KAT2B: variants seen among roughly 807,000 people sequenced by gnomAD.
The protein encoded by KAT2B is lysine acetyltransferase 2B, also known as histone acetyltransferase KAT2B.
KAT2B carries 36 observed loss-of-function variants against 105.9 expected under a neutral mutation model. The ratio of observed to expected loss-of-function variants is 0.34; its 90% confidence interval spans 0.26 to 0.45. KAT2B has a LOEUF of 0.45. KAT2B is among the 20% of genes least tolerant of loss of function. The pLI, the probability that KAT2B is intolerant of heterozygous loss-of-function variation, is 1.00. For missense variants in KAT2B, 820 were observed against 1,021.6 expected, an observed-to-expected ratio of 0.80 and a Z score of 2.69; for synonymous variants, 397 against 377.9, an observed-to-expected ratio of 1.05 and a Z score of -0.59.
chr3:20,101,567 T>A, intron 5 of KAT2B, 99 bp downstream of exon 5: 1 of 848,084 alleles, frequency 1.2e-6, no homozygotes, highest in African/African-American at 1.7e-5. Flanking sequence ...TAGTTATCAT[T>A]ATGACTCCAT....
intron 8 of KAT2B, among the ~76,000 whole-genome samples, chr3:20,122,180 C>G (rs1699323132): frequency 6.6e-6 from 1 of 152,104 alleles, no homozygotes; most frequent in South Asian, 2.1e-4. Flanking sequence ...GATCTGTAAG[C>G]TGAAGCTAAT....
intron 2 of KAT2B, among the ~76,000 whole-genome samples, chr3:20,091,801 C>T (rs1360456537): frequency 6.6e-6 from 1 of 152,066 alleles, no homozygotes; most frequent in East Asian, 1.9e-4. Flanking sequence ...GTAAATTTTC[C>T]AAAATTCCTC....
At chr3:20,090,311 T>C (rs1698694252) in intron 2 of KAT2B, among the ~76,000 whole-genome samples, 1 of 152,240 alleles carries the variant, frequency 6.6e-6, no homozygotes, top group South Asian at 2.1e-4. Flanking sequence ...CTTCTCACCA[T>C]TGAGTGTGAT....
chr3:20,057,983 G>A (rs1217702435), intron 1 of KAT2B, among the ~76,000 whole-genome samples: 2 of 152,176 alleles, frequency 1.3e-5, no homozygotes, highest in Non-Finnish European at 2.9e-5. Flanking sequence ...TGATTTTGGA[G>A]TAACCATGGA....
At chr3:20,143,517 A>C (rs2661378) in intron 13 of KAT2B, among the ~76,000 whole-genome samples, 120,833 of 152,088 alleles carry the variant, frequency 0.79, 48,676 homozygotes, top group East Asian at 0.97. Flanking sequence ...TTCCACACAG[A>C]AATCCTATTA....
chr3:20,070,205 G>A (rs1171029195), intron 1 of KAT2B, among the ~76,000 whole-genome samples: 1 of 152,082 alleles, frequency 6.6e-6, no homozygotes, highest in Non-Finnish European at 1.5e-5. Context: ...AGGTATTCCA[G>A]ATTCACATGG....
intron 1 of KAT2B, among the ~76,000 whole-genome samples, chr3:20,043,727 TTA>T (rs201350372): frequency 0.17 from 20,822 of 125,470 alleles, 1,652 homozygotes; most frequent in Non-Finnish European, 0.22. Flanking sequence ...TTTGCTTTTT[TTA>T]AAAAAAAAAA....
At chr3:20,122,606 G>A (rs963644320) in intron 8 of KAT2B, 62 bp from the exon 9 acceptor site, 40 of 1,316,658 alleles carry the variant, frequency 3.0e-5, no homozygotes, top group South Asian at 2.6e-5. Context: ...ATTAGTTGGC[G>A]TGTATTATTT....
chr3:20,125,187 G>A (rs1411312359), intron 9 of KAT2B, among the ~76,000 whole-genome samples: 4 of 151,992 alleles, frequency 2.6e-5, no homozygotes, highest in African/African-American at 7.2e-5. Flanking sequence ...GCTGGGCGCC[G>A]TGGCAGGCTC....
chr3:20,122,693 T>C lies in KAT2B; in HGVS notation c.1302T>C (p.Ser434=), dbSNP rs1354564615. 6.2e-7 allele frequency: 1 copy of C among 1,613,956 alleles called. No homozygotes were observed. Among genetic ancestry groups the C allele is most frequent in the Non-Finnish European group, 8.5e-7 (1 of 1,179,880 alleles). ...NPGEKRKMTD[S]HVLEEAKKPR... ...GAGAAAAGAGGAAAATGACTGATTC[T>C]CATGTTCTGGAGGAGGCCAAGAAAC... The change falls in exon 9 of 18, where the codon TCT becomes TCC. Residue 434 remains serine, a synonymous_variant. Coordinates refer to ENST00000263754, the MANE Select transcript of KAT2B (RefSeq NM_003884.5).
intron 11 of KAT2B, among the ~76,000 whole-genome samples, chr3:20,136,606 T>C (rs569227711): frequency 8.5e-5 from 13 of 152,178 alleles, no homozygotes; most frequent in Non-Finnish European, 1.9e-4. Context: ...ACATTCATTC[T>C]GAAAACTTTT....
At chr3:20,072,802 CAG>C (rs764317165) in intron 2 of KAT2B, among the ~76,000 whole-genome samples, 1 of 152,182 alleles carries the variant, frequency 6.6e-6, no homozygotes, top group Non-Finnish European at 1.5e-5. Context: ...TCTTTGACCT[CAG>C]GGTTGAAACC....
At chr3:20,136,390 C>G (rs1177367942) in intron 11 of KAT2B, among the ~76,000 whole-genome samples, 1 of 152,124 alleles carries the variant, frequency 6.6e-6, no homozygotes, top group African/African-American at 2.4e-5. Flanking sequence ...GCTTCTCAGA[C>G]CTTACTTGGA....
intron 1 of KAT2B, among the ~76,000 whole-genome samples, chr3:20,054,215 C>T (rs1317635664): frequency 2.0e-5 from 3 of 146,714 alleles, no homozygotes; most frequent in African/African-American, 4.9e-5. Context: ...CTGCAATCTC[C>T]GCCTCCTGGG....
intron 11 of KAT2B, among the ~76,000 whole-genome samples, chr3:20,130,521 A>G (rs979788922): frequency 2.8e-4 from 43 of 152,344 alleles, no homozygotes; most frequent in Non-Finnish European, 4.6e-4. Flanking sequence ...TTAGAAAAAG[A>G]TGGCGTAATT....
chr3:20,101,393 A>G lies in KAT2B; in HGVS notation c.776A>G (p.His259Arg), dbSNP rs1698907537. Residue 259 changes from histidine (H) to arginine (R), a missense_variant, in exon 5 of 18, where the codon CAT becomes CGT. Transcript: ENST00000263754. Reference protein sequence around the residue: ...KMFLNRINYWHLEAPSQRRLR... With the variant: ...KMFLNRINYWRLEAPSQRRLR... ...TTCCTAAACCGCATCAACTATTGGC[A>G]TCTGGAGGCACCATCTCAACGAAGA... The G allele has an allele frequency of 6.2e-7, 1 of 1,614,120 alleles. No individual in the cohort carries two copies. Among genetic ancestry groups the G allele is most frequent in the East Asian group, 2.2e-5 (1 of 44,874 alleles).
At position 20,131,010 on chromosome 3, in the gene KAT2B, CTTTTTTTTTTTTTT is replaced by C. The variant is rs148208028; in HGVS notation, c.1749+3470_1749+3483del. 5.4e-5 allele frequency among the ~76,000 whole-genome samples: 4 copies of C among 74,706 alleles called. No homozygotes were observed. In the East Asian group the frequency reaches 1.7e-3, roughly 32 times the overall value. The allele number at this position is 74,706 out of a possible 152,430, so 49.0% of individuals were successfully genotyped here. Reference sequence around the variant, plus strand: ...ACAGTTCTTCCTTTAGTTTCCTGGCCTTTTTTTTTTTTTTTTTTTTTTGAGACGGAGTTTTGCTC... The same window carrying C: ...ACAGTTCTTCCTTTAGTTTCCTGGCCTTTTTTTTGAGACGGAGTTTTGCTC... On this transcript the variant is annotated intron_variant, in intron 11 of 17. Transcript: ENST00000263754.
At position 20,147,993 on chromosome 3, in the gene KAT2B, A is replaced by G. The variant is rs1358532475; in HGVS notation, c.2150A>G (p.Glu717Gly). 1 of 1,613,586 alleles carries G rather than the reference A, an allele frequency of 6.2e-7. No homozygotes were observed. The highest frequency in any genetic ancestry group is 1.1e-5 in the South Asian group (1 of 91,046). ...RETGWKPSGK[E>G]KSKEPRDPDQ... ...ACAGGCTGGAAACCGAGTGGAAAAG[A>G]GAAAAGGTAAGTATGACGGGCAAGA... Residue 717 changes from glutamate to glycine, a missense_variant, in exon 15 of 18, where the codon GAG (glutamate) becomes GGG (glycine). Coordinates refer to ENST00000263754, the MANE Select transcript of KAT2B (RefSeq NM_003884.5).
At chr3:20,100,950 G>A (rs1304805362) in intron 4 of KAT2B, 3 of 272,316 alleles carry the variant, frequency 1.1e-5, no homozygotes, top group East Asian at 1.4e-4. Context: ...TGATAGTAAA[G>A]CAATAATTAT....
Sources: allele counts gnomAD v4.1 joint callset (sites outside exome capture counted in the v4.1 genomes callset), GRCh38; gene constraint gnomAD v4.1.1; transcripts MANE v1.5; gene names NCBI Gene and HGNC (gene_info 2026-07-23, HGNC 2026-07-21).